FHIT: variants seen among roughly 807,000 people sequenced by gnomAD.
The protein encoded by FHIT is bis(5'-adenosyl)-triphosphatase.
Under a neutral mutation model 17.9 loss-of-function variants are expected in FHIT, and 19 were observed. That is an observed-to-expected ratio of 1.06 (90% CI 0.74 to 1.56). The LOEUF is 1.56. FHIT is among the 40% of genes most tolerant of loss of function. The pLI is 0.00. For synonymous variants in FHIT, 81 were observed against 69.7 expected (o/e 1.16, Z -0.81); for missense variants, 248 against 189.2 (o/e 1.31, Z -1.82).
At position 61,218,043 on chromosome 3, in the gene FHIT, G is replaced by C. The variant is rs1403196350; in HGVS notation, c.-212-17378C>G. On this transcript the variant is annotated intron_variant, in intron 1 of 9. Coordinates refer to ENST00000492590, the MANE Select transcript of FHIT (RefSeq NM_002012.4). Reference sequence around the variant, plus strand: ...TGAAGTGCCTTAGAGACATCTAAAGGAAAATATCCAGGTAAGCAGTTGGGT... The same window carrying C: ...TGAAGTGCCTTAGAGACATCTAAAGCAAAATATCCAGGTAAGCAGTTGGGT... Among the ~76,000 whole-genome samples, 5 of 152,132 alleles carry C rather than the reference G, an allele frequency of 3.3e-5. No homozygotes were observed. In the East Asian group the frequency reaches 9.6e-4, roughly 29 times the overall value.
chr3:61,116,738 C>G (rs989383513), intron 2 of FHIT, among the ~76,000 whole-genome samples: 1 of 151,980 alleles, frequency 6.6e-6, no homozygotes, highest in African/African-American at 2.4e-5. Flanking sequence ...CAGTTCTAGT[C>G]CAAGCCAAAC....
intron 8 of FHIT, among the ~76,000 whole-genome samples, chr3:59,906,879 C>T (rs1021395907): frequency 6.6e-6 from 1 of 152,194 alleles, no homozygotes; most frequent in Non-Finnish European, 1.5e-5. Context: ...ATTTTATCTC[C>T]TATTCTCAGT....
intron 4 of FHIT, among the ~76,000 whole-genome samples, chr3:60,735,269 G>C (rs1176080046): frequency 6.6e-6 from 1 of 152,184 alleles, no homozygotes; most frequent in African/African-American, 2.4e-5. Context: ...AGTTTCACTT[G>C]TGCTAGCATG....
chr3:61,100,739 A>G (rs955411353), intron 2 of FHIT, among the ~76,000 whole-genome samples: 1 of 152,172 alleles, frequency 6.6e-6, no homozygotes, highest in African/African-American at 2.4e-5. Flanking sequence ...CTGACTTTTT[A>G]ATAATTGCCA....
intron 5 of FHIT, among the ~76,000 whole-genome samples, chr3:60,354,829 G>A (rs1379799573): frequency 6.6e-6 from 1 of 152,046 alleles, no homozygotes; most frequent in African/African-American, 2.4e-5. Flanking sequence ...TTATTCTTTA[G>A]TATTTTGTTA....
intron 5 of FHIT, among the ~76,000 whole-genome samples, chr3:60,532,789 T>G (rs968408081): frequency 6.6e-6 from 1 of 152,172 alleles, no homozygotes; most frequent in Non-Finnish European, 1.5e-5. Context: ...GGCCTCTGAT[T>G]TGACAGTTCT....
rs565804013 is a variant in FHIT at position 60,517,869 on chromosome 3, T to G, written c.103+18991A>C. Among the ~76,000 whole-genome samples, 171 of 152,310 alleles carry G rather than the reference T, an allele frequency of 1.1e-3. 2 individuals are homozygous for G. In the Middle Eastern group the frequency reaches 0.024, roughly 21 times the overall value. On this transcript the variant is annotated intron_variant, in intron 5 of 9. Transcript: ENST00000492590. Reference sequence around the variant, plus strand: ...GAATGTGAAAACACCGCTGTGCTTCTAGAACCATACTGCCCGGTTCATCAT... The same window carrying G: ...GAATGTGAAAACACCGCTGTGCTTCGAGAACCATACTGCCCGGTTCATCAT...
At chr3:60,758,430 C>T (rs77855754) in intron 4 of FHIT, among the ~76,000 whole-genome samples, 2,801 of 152,248 alleles carry the variant, frequency 0.018, 89 homozygotes, top group African/African-American at 0.062. Context: ...TATTTTGACA[C>T]GTTCAGTTAC....
chr3:59,981,139 T>C (rs1295442132), intron 7 of FHIT, among the ~76,000 whole-genome samples: 1 of 152,190 alleles, frequency 6.6e-6, no homozygotes, highest in African/African-American at 2.4e-5. Context: ...TATTTCATTA[T>C]GCAAAGTAAA....
At chr3:60,770,451 G>T (rs1553722771) in intron 4 of FHIT, among the ~76,000 whole-genome samples, 1 of 152,096 alleles carries the variant, frequency 6.6e-6, no homozygotes, top group African/African-American at 2.4e-5. Flanking sequence ...TTGCAGCTAA[G>T]GAGCAGGCAT....
intron 5 of FHIT, among the ~76,000 whole-genome samples, chr3:60,446,105 G>A (rs1055386541): frequency 2.0e-5 from 3 of 152,100 alleles, no homozygotes; most frequent in Non-Finnish European, 2.9e-5. Context: ...AAGCAAGGGA[G>A]GGTAGGAGGG....
chr3:61,146,685 A>C (rs1190428135), intron 2 of FHIT, among the ~76,000 whole-genome samples: 1 of 152,036 alleles, frequency 6.6e-6, no homozygotes, highest in Non-Finnish European at 1.5e-5. Context: ...TCACATTTCC[A>C]AGTGAAGCAC....
intron 5 of FHIT, among the ~76,000 whole-genome samples, chr3:60,340,372 G>T (rs754796993): frequency 8.5e-5 from 13 of 152,160 alleles, no homozygotes; most frequent in Non-Finnish European, 1.5e-4. Context: ...AACCGAATTA[G>T]AAGTAAGTGG....
intron 4 of FHIT, among the ~76,000 whole-genome samples, chr3:60,722,284 G>A (rs1334206506): frequency 1.3e-5 from 2 of 152,182 alleles, no homozygotes; most frequent in South Asian, 2.1e-4. Flanking sequence ...TCCTTTACTA[G>A]TAGCCCATTT....
At chr3:60,835,592 C>T (rs1170538893) in intron 3 of FHIT, among the ~76,000 whole-genome samples, 2 of 152,086 alleles carry the variant, frequency 1.3e-5, no homozygotes, top group African/African-American at 4.8e-5. Context: ...CCTTAATGAA[C>T]TCAATTATTA....
At chr3:60,125,330 A>G (rs1705491660) in intron 5 of FHIT, among the ~76,000 whole-genome samples, 1 of 152,106 alleles carries the variant, frequency 6.6e-6, no homozygotes, top group African/African-American at 2.4e-5. Context: ...GTGCAAATTA[A>G]TTTTTAAAAT....
chr3:60,672,132 T>C (rs2107844067), intron 4 of FHIT, among the ~76,000 whole-genome samples: 1 of 152,336 alleles, frequency 6.6e-6, no homozygotes, highest in South Asian at 2.1e-4. Flanking sequence ...CTTTTAACTC[T>C]TTGTGTTTTT....
intron 3 of FHIT, among the ~76,000 whole-genome samples, chr3:61,032,766 A>C (rs1400724294): frequency 6.6e-6 from 1 of 152,236 alleles, no homozygotes; most frequent in Non-Finnish European, 1.5e-5. Context: ...AATGGGATAA[A>C]TGTAGATATA....
At chr3:60,682,175 G>T (rs1166833126) in intron 4 of FHIT, among the ~76,000 whole-genome samples, 2 of 152,040 alleles carry the variant, frequency 1.3e-5, no homozygotes, top group African/African-American at 4.8e-5. Flanking sequence ...GTTTCCCCAT[G>T]TTGGCTAGGC....
Sources: gnomAD v4.1 joint callset for allele counts (sites outside exome capture counted in the v4.1 genomes callset) on GRCh38, gnomAD v4.1.1 for gene constraint, MANE v1.5 for transcripts, NCBI Gene and HGNC (gene_info 2026-07-23, HGNC 2026-07-21) for gene names.